Variants in CLEC16A observed in about 807,000 individuals in gnomAD.
CLEC16A encodes the protein protein CLEC16A.
A neutral mutation model predicts 109.5 loss-of-function variants in CLEC16A; 51 were observed. The ratio of observed to expected loss-of-function variants is 0.47; its 90% CI spans 0.37 to 0.59. CLEC16A has a LOEUF of 0.59. Ranked by LOEUF, CLEC16A falls within the 20% of genes least tolerant of loss-of-function variation. The probability of loss-of-function intolerance (pLI) is 0.00; values close to 1 mark genes in which losing one functional copy is unlikely to be tolerated. For synonymous variants in CLEC16A, 673 were observed against 564.2 expected (o/e 1.19, Z -2.73); for missense variants, 1,339 against 1,394.0 (o/e 0.96, Z 0.63).
chr16:10,972,380 C>T (rs1027435328), intron 5 of CLEC16A, 174 bp from the exon 6 acceptor site: 4 of 613,590 alleles, frequency 6.5e-6, no homozygotes, highest in Non-Finnish European at 1.2e-5. Flanking sequence ...GTTCTGCTGC[C>T]TCCTGCTCTG....
intron 22 of CLEC16A, among the ~76,000 whole-genome samples, chr16:11,164,137 C>T (rs974518540): frequency 6.6e-6 from 1 of 152,188 alleles, no homozygotes; most frequent in Non-Finnish European, 1.5e-5. Flanking sequence ...ACTCCAGCTA[C>T]ATTCATCCTG....
rs3030600 is a variant in CLEC16A at position 11,114,128 on chromosome 16, C to CGTGTGTGTGTGTGTGT, written c.2117-6452_2117-6437dup. 1.5e-3 allele frequency among the ~76,000 whole-genome samples: 194 copies of CGTGTGTGTGTGTGTGT among 127,320 alleles called. 2 individuals carry two copies. Among genetic ancestry groups the CGTGTGTGTGTGTGTGT allele is most frequent in the East Asian group, 2.7e-3 (11 of 4,100 alleles). The allele number at this position is 127,320 out of a possible 152,430, so 83.5% of individuals were successfully genotyped here. A position where few individuals can be genotyped will look rare whatever the true frequency, so the allele number is the denominator to read the frequency against. ...TTTCCTGATTTCCCATGAGGATGGC[C>CGTGTGTGTGTGTGTGT]GTGTGTGTGTGTGTGTGTGTGTGTG... On this transcript the variant is annotated intron_variant, in intron 19 of 23. Coordinates refer to ENST00000409790, the MANE Select transcript of CLEC16A (RefSeq NM_015226.3).
chr16:11,156,692 G>T (rs765363770), intron 22 of CLEC16A: 2 of 1,299,738 alleles, frequency 1.5e-6, no homozygotes, highest in African/African-American at 3.0e-5. Context: ...GGTAATACCA[G>T]TGGAAGAGGG....
In CLEC16A at chr16:11,180,346, C is replaced by CT. The variant is rs1433863741; in HGVS notation, c.*1657dup. On this transcript the variant is annotated 3_prime_UTR_variant, in exon 24 of 24. Transcript: ENST00000409790. ...AGCTGTGCCCACCCAGCCTTCATGG[C>CT]TGCAGGTACAAGGACCTTTGCTTCC... 1.3e-5 allele frequency: 2 copies of CT among 152,304 alleles called. No individual in the cohort carries two copies. The highest frequency in any genetic ancestry group is 4.8e-5 in the African/African-American group (2 of 41,448). 9.4% of individuals were successfully genotyped at this position (152,304 alleles called of 1,614,324 possible).
chr16:11,025,218 G>C (rs1697891944), intron 13 of CLEC16A, among the ~76,000 whole-genome samples: 1 of 152,132 alleles, frequency 6.6e-6, no homozygotes, highest in Non-Finnish European at 1.5e-5. Flanking sequence ...TTGACCCCTT[G>C]ATTTACAACT....
At chr16:11,147,852 G>T (rs560018873) in intron 22 of CLEC16A, among the ~76,000 whole-genome samples, 9 of 152,126 alleles carry the variant, frequency 5.9e-5, no homozygotes, top group Non-Finnish European at 1.3e-4. Context: ...CAGTCCAAAT[G>T]TAAAAAAAGA....
intron 2 of CLEC16A, 26 bp downstream of exon 2, chr16:10,957,936 C>A: frequency 3.1e-6 from 5 of 1,605,226 alleles, no homozygotes; most frequent in Non-Finnish European, 4.3e-6. Context: ...GATTGCTGTT[C>A]TTTGATTATT....
intron 7 of CLEC16A, among the ~76,000 whole-genome samples, chr16:10,975,757 G>A (rs962943944): frequency 2.6e-5 from 4 of 151,848 alleles, no homozygotes; most frequent in South Asian, 2.1e-4. Context: ...AGTGATTCTT[G>A]TGCCTCGGCC....
intron 23 of CLEC16A, among the ~76,000 whole-genome samples, chr16:11,168,408 C>T (rs2140961280): frequency 6.6e-6 from 1 of 152,332 alleles, no homozygotes; most frequent in Non-Finnish European, 1.5e-5. Flanking sequence ...GGTGTCTGCT[C>T]CCATTTGGTG....
intron 19 of CLEC16A, among the ~76,000 whole-genome samples, chr16:11,083,406 C>G (rs2049843596): frequency 1.3e-5 from 2 of 152,184 alleles, no homozygotes; most frequent in Admixed American, 1.3e-4. Context: ...TCAAGCTATC[C>G]TTCCACCTGG....
intron 1 of CLEC16A, among the ~76,000 whole-genome samples, chr16:10,952,531 T>G (rs8044180): frequency 0.14 from 20,725 of 152,254 alleles, 1,388 homozygotes; most frequent in African/African-American, 0.15. Context: ...TTAAAATGTT[T>G]ATATCTCTGA....
intron 1 of CLEC16A, among the ~76,000 whole-genome samples, chr16:10,952,712 G>C (rs2041796370): frequency 6.6e-6 from 1 of 152,204 alleles, no homozygotes; most frequent in South Asian, 2.1e-4. Context: ...GGGACAGAAA[G>C]ACGAGCAAGG....
At chr16:11,031,561 G>C (rs775605653) in intron 13 of CLEC16A, among the ~76,000 whole-genome samples, 1 of 152,160 alleles carries the variant, frequency 6.6e-6, no homozygotes, top group Non-Finnish European at 1.5e-5. Flanking sequence ...CCCATTTTCT[G>C]CTAATGCTAT....
intron 23 of CLEC16A, among the ~76,000 whole-genome samples, chr16:11,169,356 G>A (rs2002578): frequency 0.01 from 1,542 of 152,094 alleles, 24 homozygotes; most frequent in African/African-American, 0.035. Context: ...TCGCAGTCTC[G>A]GCTCACTGCA....
intron 18 of CLEC16A, among the ~76,000 whole-genome samples, chr16:11,059,577 G>A (rs1020633823): frequency 6.6e-6 from 1 of 152,106 alleles, no homozygotes; most frequent in Non-Finnish European, 1.5e-5. Flanking sequence ...CAGTAATTTG[G>A]CCCCTTTCTA....
rs2068896052 is a variant in CLEC16A at position 11,179,603 on chromosome 16, A to T, written c.*913A>T. The stretch of plus-strand genomic sequence containing the variant: ...AAACCAAACAGAGACAGCTTCCAGC[A>T]CCTTCTTCAGTGTTACCATCTCTAA... On this transcript the variant is annotated 3_prime_UTR_variant, in exon 24 of 24. Coordinates refer to ENST00000409790, the MANE Select transcript of CLEC16A (RefSeq NM_015226.3). 2 of 152,196 alleles carry T rather than the reference A, an allele frequency of 1.3e-5. No individual in the cohort carries two copies. Among genetic ancestry groups the T allele is most frequent in the African/African-American group, 4.8e-5 (2 of 41,444 alleles). The allele number at this position is 152,196 out of a possible 1,614,324, so 9.4% of individuals were successfully genotyped here. A position where few individuals can be genotyped will look rare whatever the true frequency, so the allele number is the denominator to read the frequency against.
chr16:11,039,796 CA>C lies in CLEC16A; in HGVS notation c.1583del (p.Asn528MetfsTer12), dbSNP rs767677497. On this transcript the variant is annotated frameshift_variant, in exon 14 of 24. Coordinates refer to ENST00000409790, the MANE Select transcript of CLEC16A (RefSeq NM_015226.3). LOFTEE classifies it high-confidence loss of function. ...TTAGAGCGAATCCAGCTCCCCGTGC[CA>C]AATGCGGCCGAGAAGACCACCTACA... ...EKLERIQLPV[P>X]NAAEKTTYNH... 1 of 1,609,102 alleles carries C rather than the reference CA, an allele frequency of 6.2e-7. No homozygotes were observed. Among genetic ancestry groups the C allele is most frequent in the East Asian group, 2.2e-5 (1 of 44,682 alleles).
chr16:10,958,154 A>G (rs1267087461), intron 2 of CLEC16A, among the ~76,000 whole-genome samples: 2 of 152,168 alleles, frequency 1.3e-5, no homozygotes, highest in Non-Finnish European at 2.9e-5. Flanking sequence ...TGTCATGGGT[A>G]ATTTTCCTTC....
chr16:11,082,633 G>A (rs1045522535), intron 19 of CLEC16A, among the ~76,000 whole-genome samples: 2 of 152,142 alleles, frequency 1.3e-5, no homozygotes, highest in African/African-American at 2.4e-5. Flanking sequence ...GCTGCATCCT[G>A]GGCCAGCTCA....
Sources: gnomAD v4.1 joint callset for allele counts (sites outside exome capture counted in the v4.1 genomes callset) on GRCh38, gnomAD v4.1.1 for gene constraint, MANE v1.5 for transcripts, NCBI Gene and HGNC (gene_info 2026-07-23, HGNC 2026-07-21) for gene names.